The following CACNA1B variants were observed in gnomAD, a reference collection of about 807,000 sequenced individuals.
CACNA1B encodes the protein calcium voltage-gated channel subunit alpha1 B, also known as voltage-dependent N-type calcium channel subunit alpha-1B.
CACNA1B carries 70 observed loss-of-function variants against 247.2 expected under a neutral mutation model. That is an observed-to-expected ratio of 0.28 (90% confidence interval 0.23 to 0.35). CACNA1B has a LOEUF of 0.35. Ranked by LOEUF, CACNA1B falls within the 10% of genes least tolerant of loss-of-function variation. The pLI, the probability that CACNA1B is intolerant of heterozygous loss-of-function variation, is 1.00. For missense variants in CACNA1B, 2,367 were observed against 3,197.4 expected (o/e 0.74, Z 6.26); for synonymous variants, 1,231 against 1,294.4 (o/e 0.95, Z 1.05).
chr9:137,958,517 C>T (rs915947392), intron 10 of CACNA1B, among the ~76,000 whole-genome samples: 6 of 152,218 alleles, frequency 3.9e-5, no homozygotes, highest in South Asian at 2.1e-4. Flanking sequence ...TGCAACCTGG[C>T]GTTGCTGATG....
rs759144627 is a variant in CACNA1B, at chr9:138,059,047, C to T, written c.4474-32C>T. ...GATGGGGTGTCTTGGGGCTGCCAAA[C>T]CCATGGCCAACAGTGCCTATTCCCC... On this transcript the variant is annotated intron_variant, in intron 29 of 46. Transcript: ENST00000371372. The surrounding 1 kb of genome is among the most constrained non-coding windows in gnomAD (Gnocchi z 4.2). 7 of 1,394,644 alleles carry T rather than the reference C, an allele frequency of 5.0e-6. No homozygotes were observed. The highest frequency in any genetic ancestry group is 1.2e-5 in the South Asian group (1 of 84,778). 86.4% of individuals were successfully genotyped at this position (1,394,644 alleles called of 1,614,324 possible).
chr9:138,042,705 C>T (rs745681912), intron 20 of CACNA1B, among the ~76,000 whole-genome samples: 2 of 152,150 alleles, frequency 1.3e-5, no homozygotes, highest in Non-Finnish European at 2.9e-5. Context: ...TATCTTGGCT[C>T]TGGAGCCAGC....
chr9:137,956,703 T>A, intron 8 of CACNA1B, 68 bp from the exon 9 acceptor site: 1 of 1,306,794 alleles, frequency 7.7e-7, no homozygotes. Flanking sequence ...CAGACAGAGA[T>A]GTGCCTCTGT....
intron 10 of CACNA1B, among the ~76,000 whole-genome samples, chr9:137,966,422 T>A (rs558146816): frequency 6.6e-6 from 1 of 151,252 alleles, no homozygotes; most frequent in East Asian, 2.0e-4. Flanking sequence ...AGAGACTGGG[T>A]TTCACCGTGT....
At chr9:138,028,359 T>C (rs1266073949) in intron 20 of CACNA1B, among the ~76,000 whole-genome samples, 3 of 152,190 alleles carry the variant, frequency 2.0e-5, no homozygotes, top group Admixed American at 6.5e-5. Context: ...TAATGTGTTA[T>C]GTGTCCGCTA....
intron 3 of CACNA1B, among the ~76,000 whole-genome samples, chr9:137,903,722 G>C (rs1957265705): frequency 6.6e-6 from 1 of 151,952 alleles, no homozygotes; most frequent in Non-Finnish European, 1.5e-5. Context: ...CAGGAATGTA[G>C]TATGTATGAA....
chr9:138,008,567 G>T (rs1027629199), intron 16 of CACNA1B, among the ~76,000 whole-genome samples: 1 of 152,202 alleles, frequency 6.6e-6, no homozygotes, highest in African/African-American at 2.4e-5. Flanking sequence ...CAGGGAGGGG[G>T]CACCTGTCCA....
Position 137,987,381 on chromosome 9 carries a change from C to T in CACNA1B, c.1974+527C>T, listed in dbSNP as rs760769069. Among the ~76,000 whole-genome samples, 3 of 152,172 alleles carry T rather than the reference C, an allele frequency of 2.0e-5. No individual in the cohort carries two copies. In the South Asian group the frequency reaches 6.2e-4, roughly 32 times the overall value. On this transcript the variant is annotated intron_variant, in intron 15 of 46. Transcript: ENST00000371372. Reference sequence around the variant, plus strand: ...AGACTCTGCCCTCTTGGAGGGTTCCCTTTCGAGGACTTTCTTGGTTGGGTA... The same window carrying T: ...AGACTCTGCCCTCTTGGAGGGTTCCTTTTCGAGGACTTTCTTGGTTGGGTA...
In CACNA1B at chr9:138,121,751, C is replaced by T. The variant is rs770807548; in HGVS notation, c.6772C>T (p.Pro2258Ser). The T allele has an allele frequency of 3.1e-6, 5 of 1,613,366 alleles. No homozygotes were observed. The highest frequency in any genetic ancestry group is 4.2e-6 in the Non-Finnish European group (5 of 1,179,888). Residue 2258 changes from proline to serine, a missense_variant, in exon 47 of 47, where the codon CCT (proline) becomes TCT (serine). Coordinates refer to ENST00000371372, the MANE Select transcript of CACNA1B (RefSeq NM_000718.4). The surrounding 1 kb of genome is among the most constrained non-coding windows in gnomAD (Gnocchi z 6.8). ...LAPGSRIGSD[P>S]YLGQRLDSEA... The stretch of plus-strand genomic sequence containing the variant: ...CCCTGGCTCTCGAATTGGCTCTGAC[C>T]CTTACCTGGGGCAGCGTCTGGACAG...
rs576172690 is a variant in CACNA1B, at chr9:138,043,661, G to A, written c.3287-113G>A. ...TCTTAGCTGCTTGCCCATCCCTGGT[G>A]GGCCTGTGAGGACCTGACGCAAGTG... On this transcript the variant is annotated intron_variant, in intron 20 of 46. Coordinates refer to ENST00000371372, the MANE Select transcript of CACNA1B (RefSeq NM_000718.4). 8 of 1,169,852 alleles carry A rather than the reference G, an allele frequency of 6.8e-6. No individual in the cohort carries two copies. The African/African-American group carries it at 1.2e-4, about 18-fold the overall frequency. 72.5% of individuals were successfully genotyped at this position (1,169,852 alleles called of 1,614,324 possible).
chr9:137,948,815 TGTGTGTG>T (rs1957830314), intron 6 of CACNA1B, among the ~76,000 whole-genome samples: 1 of 148,762 alleles, frequency 6.7e-6, no homozygotes, highest in African/African-American at 2.5e-5. Flanking sequence ...TGTGTGCATG[TGTGTGTG>T]GTGTGTGCAC....
rs1339366493 is a variant in CACNA1B at position 138,120,196 on chromosome 9, C to T, written c.6062C>T (p.Ser2021Phe). ...PVTDASPMKR[S>F]ISTLAQRPRG... Reference sequence around the variant, plus strand: ...ACAGATGCCAGCCCCATGAAGCGCTCCATCTCCACGCTGGCCCAGCGGCCC... The same window carrying T: ...ACAGATGCCAGCCCCATGAAGCGCTTCATCTCCACGCTGGCCCAGCGGCCC... Residue 2021 changes from serine to phenylalanine, a missense_variant, in exon 45 of 47, where the codon TCC becomes TTC. This residue lies in a region of CACNA1B where 773 missense variants were observed against 779.4 expected (regional missense o/e 0.99). Coordinates refer to ENST00000371372, the MANE Select transcript of CACNA1B (RefSeq NM_000718.4). 7 of 1,607,604 alleles carry T rather than the reference C, an allele frequency of 4.4e-6. No individual in the cohort carries two copies. Among genetic ancestry groups the T allele is most frequent in the Non-Finnish European group, 5.9e-6 (7 of 1,177,902 alleles).
intron 20 of CACNA1B, among the ~76,000 whole-genome samples, chr9:138,034,345 GCT>G (rs1959018431): frequency 6.6e-6 from 1 of 152,042 alleles, no homozygotes; most frequent in African/African-American, 2.4e-5. Flanking sequence ...CTCCCACTTG[GCT>G]CTCTCTCAGA....
intron 15 of CACNA1B, among the ~76,000 whole-genome samples, chr9:137,992,489 CG>C (rs1242325780): frequency 6.6e-6 from 1 of 152,068 alleles, no homozygotes; most frequent in Non-Finnish European, 1.5e-5. Context: ...ACAGTAATAG[CG>C]GGGGACTTTG....
Position 138,120,808 on chromosome 9 carries a change from C to T in CACNA1B, c.6416C>T (p.Pro2139Leu), listed in dbSNP as rs752121300. 4.8e-5 allele frequency: 75 copies of T among 1,561,430 alleles called. No individual in the cohort carries two copies. The Middle Eastern group carries it at 3.7e-3, about 76-fold the overall frequency. ...GACCGCTTTGGGGGCCGTGAGCCCC[C>T]GAAGCCCAAGCCCTCCCTCAGCAGC... ...SCDRFGGREP[P>L]KPKPSLSSHP... Residue 2139 changes from proline to leucine, a missense_variant, in exon 46 of 47, where the codon CCG (proline) becomes CTG (leucine). Coordinates refer to ENST00000371372, the MANE Select transcript of CACNA1B (RefSeq NM_000718.4).
At position 137,986,399 on chromosome 9, in the gene CACNA1B, G is replaced by A. The variant is rs764728121; in HGVS notation, c.1770-14G>A. 8 of 1,613,328 alleles carry A rather than the reference G, an allele frequency of 5.0e-6. No homozygotes were observed. The highest frequency in any genetic ancestry group is 6.8e-6 in the Non-Finnish European group (8 of 1,179,666). On this transcript the variant is annotated splice_polypyrimidine_tract_variant and intron_variant, in intron 13 of 46. Coordinates refer to ENST00000371372, the MANE Select transcript of CACNA1B (RefSeq NM_000718.4). This position sits in a 1 kb window ranked among gnomAD's most constrained non-coding sequence, Gnocchi z 6.0. ...CGTCTGGAGCTGGCTCAGACCCCCT[G>A]CCTGGCCCCGCAGGTACTGGAGCTC...
intron 5 of CACNA1B, among the ~76,000 whole-genome samples, chr9:137,915,612 G>A (rs916759915): frequency 1.1e-4 from 17 of 151,698 alleles, no homozygotes; most frequent in Non-Finnish European, 1.8e-4. Flanking sequence ...AATTTAGATC[G>A]TTCGTGATTT....
rs201951593 is a variant in CACNA1B, at chr9:138,096,507, G to A, written c.5118G>A (p.Val1706=). Residue 1706 remains valine (V), a synonymous_variant, in exon 37 of 47, where the codon GTG becomes GTA. Coordinates refer to ENST00000371372, the MANE Select transcript of CACNA1B (RefSeq NM_000718.4). ...AGATGTTGAACCTCTTTGTGGCTGT[G>A]ATCATGGACAATTTTGAGTACCTCA... ...SFLMLNLFVA[V]IMDNFEYLTR... is the part of the protein sequence containing the mutation. 133 of 1,613,400 alleles carry A rather than the reference G, an allele frequency of 8.2e-5. 2 individuals are homozygous for A. In the Middle Eastern group the frequency reaches 9.9e-4, roughly 12 times the overall value.
At chr9:137,958,342 T>C (rs1481530408) in intron 10 of CACNA1B, among the ~76,000 whole-genome samples, 2 of 152,212 alleles carry the variant, frequency 1.3e-5, no homozygotes, top group Non-Finnish European at 2.9e-5. Context: ...TTCTCCATGC[T>C]CACCTCAGAT....
Sources: allele counts gnomAD v4.1 joint callset (sites outside exome capture counted in the v4.1 genomes callset), GRCh38; gene constraint gnomAD v4.1.1; regional missense constraint gnomAD v4.1.1; non-coding constraint Gnocchi (gnomAD v3.1); transcripts MANE v1.5; gene names NCBI Gene and HGNC (gene_info 2026-07-23, HGNC 2026-07-21).